The following GALNS variants were observed in gnomAD, a reference collection of about 807,000 sequenced individuals.
The protein encoded by GALNS is galactosamine (N-acetyl)-6-sulfatase, also known as N-acetylgalactosamine-6-sulfatase.
Under a neutral mutation model 65.9 loss-of-function variants are expected in GALNS, and 65 were observed. That is an observed-to-expected ratio of 0.99 (90% CI 0.81 to 1.21). GALNS has a LOEUF of 1.21. Ranked by LOEUF, GALNS falls within the 50% of genes most tolerant of loss-of-function variation. The pLI, the probability that GALNS is intolerant of heterozygous loss-of-function variation, is 0.00. For missense variants in GALNS, 776 were observed against 700.7 expected, an observed-to-expected ratio of 1.11 and a Z score of -1.21; for synonymous variants, 346 against 288.9, an observed-to-expected ratio of 1.20 and a Z score of -2.00.
chr16:88,855,094 G>C (rs754490648), intron 1 of GALNS: 1 of 446,590 alleles, frequency 2.2e-6, no homozygotes, highest in East Asian at 6.0e-5. Context: ...CCTATTTACC[G>C]GGAGCCACAT....
rs140169383 is a variant in GALNS, at chr16:88,853,949, C to T, written c.120+2809G>A. Among the ~76,000 whole-genome samples, 85 of 152,292 alleles carry T rather than the reference C, an allele frequency of 5.6e-4. No homozygotes were observed. The Middle Eastern group carries it at 0.017, about 30-fold the overall frequency. On this transcript the variant is annotated intron_variant, in intron 1 of 13. Coordinates refer to ENST00000268695, the MANE Select transcript of GALNS (RefSeq NM_000512.5). ...TGGTTCTCTCCCGGGTCAGTGTGACCAGTTGGAGAGTGGCTTCTGGCCATG... is the reference window on the plus strand; with the variant it reads ...TGGTTCTCTCCCGGGTCAGTGTGACTAGTTGGAGAGTGGCTTCTGGCCATG...
At chr16:88,825,535 G>A (rs986190412) in intron 10 of GALNS, among the ~76,000 whole-genome samples, 13 of 84,554 alleles carry the variant, frequency 1.5e-4, no homozygotes, top group Admixed American at 1.1e-3. Flanking sequence ...CTGGGCAGCC[G>A]GGGCTGGGGT....
chr16:88,856,291 G>C, intron 1 of GALNS: 1 of 702,984 alleles, frequency 1.4e-6, no homozygotes, highest in South Asian at 1.5e-5. Context: ...CCGAGGTGGC[G>C]GGAGTGATTC....
chr16:88,827,525 C>A (rs753234321), intron 9 of GALNS, among the ~76,000 whole-genome samples: 4 of 152,228 alleles, frequency 2.6e-5, no homozygotes, highest in Non-Finnish European at 5.9e-5. Flanking sequence ...CAGCTCACCA[C>A]AACCTCTGCC....
At chr16:88,850,384 G>C (rs1967451569) in intron 1 of GALNS, among the ~76,000 whole-genome samples, 1 of 152,190 alleles carries the variant, frequency 6.6e-6, no homozygotes, top group Admixed American at 6.5e-5. Context: ...ATCTGCTTGT[G>C]CTCACCTGGG....
rs1909842304 is a variant in GALNS, at chr16:88,818,208, G to C, written c.1365-84C>G. 1.2e-5 allele frequency: 13 copies of C among 1,078,774 alleles called. No individual in the cohort carries two copies. In the South Asian group the frequency reaches 1.7e-4, roughly 14 times the overall value. The allele number at this position is 1,078,774 out of a possible 1,614,324, so 66.8% of individuals were successfully genotyped here. A position where few individuals can be genotyped will look rare whatever the true frequency, so the allele number is the denominator to read the frequency against. ...CTGGCCTGGACAGGCTGAGGCTGCAGAGCTCTAACGGGCTGAGAACCACAG... is the reference window on the plus strand; with the variant it reads ...CTGGCCTGGACAGGCTGAGGCTGCACAGCTCTAACGGGCTGAGAACCACAG... On this transcript the variant is annotated intron_variant, in intron 12 of 13. Coordinates refer to ENST00000268695, the MANE Select transcript of GALNS (RefSeq NM_000512.5).
At chr16:88,819,364 CGCCCCTGAGCACAGG>C (rs1909967110) in intron 12 of GALNS, among the ~76,000 whole-genome samples, 1 of 152,224 alleles carries the variant, frequency 6.6e-6, no homozygotes, top group Admixed American at 6.5e-5. Context: ...CTTCACACAG[CGCCCCTGAGCACAGG>C]GTCCATTTTT....
chr16:88,829,954 C>T (rs993301464), intron 9 of GALNS, among the ~76,000 whole-genome samples: 3 of 152,130 alleles, frequency 2.0e-5, no homozygotes, highest in Admixed American at 6.5e-5. Flanking sequence ...GAACAGGCGC[C>T]GGGCGCGGTG....
intron 1 of GALNS, among the ~76,000 whole-genome samples, chr16:88,850,213 T>C (rs542102152): frequency 6.6e-6 from 1 of 152,304 alleles, no homozygotes; most frequent in East Asian, 1.9e-4. Flanking sequence ...TGTCTGCCCA[T>C]GCCCAGGACC....
In GALNS at chr16:88,826,758, C is replaced by T. The variant is rs2142995796; in HGVS notation, c.1083G>A (p.Arg361=). Residue 361 remains arginine, a synonymous_variant, in exon 10 of 14, where the codon AGG becomes AGA. Coordinates refer to ENST00000268695, the MANE Select transcript of GALNS (RefSeq NM_000512.5). ...ALAGLTPPSD[R]AIDGLNLLPT... ...GGAGGAGGTTGAGGCCATCAATGGC[C>T]CTGTCGCTGGGCGGCGTCAGGCCCG... 8 of 1,611,310 alleles carry T rather than the reference C, an allele frequency of 5.0e-6. No homozygotes were observed. The highest frequency in any genetic ancestry group is 6.8e-6 in the Non-Finnish European group (8 of 1,179,302).
intron 4 of GALNS, among the ~76,000 whole-genome samples, chr16:88,839,500 C>T (rs545127184): frequency 6.6e-6 from 1 of 152,352 alleles, no homozygotes; most frequent in East Asian, 1.9e-4. Flanking sequence ...GGACTCAAGT[C>T]CCTGCCCTGC....
intron 1 of GALNS, chr16:88,855,671 G>A: frequency 5.0e-6 from 3 of 598,326 alleles, no homozygotes. Flanking sequence ...AAATTGTTAA[G>A]TGAGATATTT....
At chr16:88,833,370 T>G (rs956813719) in intron 8 of GALNS, among the ~76,000 whole-genome samples, 5 of 151,762 alleles carry the variant, frequency 3.3e-5, no homozygotes, top group African/African-American at 1.2e-4. Context: ...TGGCCACTTC[T>G]AGGGGACACT....
chr16:88,854,228 C>T (rs1967649142), intron 1 of GALNS, among the ~76,000 whole-genome samples: 1 of 152,208 alleles, frequency 6.6e-6, no homozygotes, highest in African/African-American at 2.4e-5. Flanking sequence ...GGCCGAATGA[C>T]CTGTTGCAGG....
intron 11 of GALNS, among the ~76,000 whole-genome samples, chr16:88,823,992 A>G (rs1567518350): frequency 2.0e-5 from 3 of 152,212 alleles, no homozygotes; most frequent in Non-Finnish European, 4.4e-5. Context: ...TGCCCTCCAG[A>G]CACTGCCCCA....
intron 3 of GALNS, among the ~76,000 whole-genome samples, chr16:88,841,514 G>C (rs1346937353): frequency 6.6e-6 from 1 of 152,066 alleles, no homozygotes; most frequent in Non-Finnish European, 1.5e-5. Flanking sequence ...CACTTCCCCT[G>C]TGAGATGCCC....
Position 88,831,987 on chromosome 16 carries a change from C to CA in GALNS, c.1002+10_1002+11insT. ...ACCTGCTGCCCGGCAGACCGGTGGA[C>CA]GCTGACTCACCTGGCCTGCAGTGAC... On this transcript the variant is annotated intron_variant, in intron 9 of 13. Coordinates refer to ENST00000268695, the MANE Select transcript of GALNS (RefSeq NM_000512.5). 1.2e-6 allele frequency: 2 copies of CA among 1,610,434 alleles called. No individual in the cohort carries two copies. The highest frequency in any genetic ancestry group is 1.7e-6 in the Non-Finnish European group (2 of 1,177,702).
intron 8 of GALNS, 132 bp from the exon 9 acceptor site, chr16:88,832,233 T>C: frequency 1.2e-6 from 1 of 829,964 alleles, no homozygotes; most frequent in South Asian, 1.4e-5. Flanking sequence ...CTGGAGTGCA[T>C]GATCCGAGCC....
At chr16:88,845,826 TAA>T (rs771068463) in intron 1 of GALNS, among the ~76,000 whole-genome samples, 29 of 124,448 alleles carry the variant, frequency 2.3e-4, no homozygotes, top group Non-Finnish European at 1.9e-4. Context: ...ACTCCAACTC[TAA>T]AAAAAAAAAA....
Sources: allele counts gnomAD v4.1 joint callset (sites outside exome capture counted in the v4.1 genomes callset), GRCh38; gene constraint gnomAD v4.1.1; transcripts MANE v1.5; gene names NCBI Gene and HGNC (gene_info 2026-07-23, HGNC 2026-07-21).